The following HNF4G variants were observed in gnomAD, a reference collection of about 807,000 sequenced individuals.
The protein encoded by HNF4G is hepatocyte nuclear factor 4-gamma.
Under a neutral mutation model 50.9 loss-of-function variants are expected in HNF4G, and 21 were observed. The observed-to-expected ratio is 0.41, with a 90% confidence interval of 0.29 to 0.59. The LOEUF (loss-of-function observed/expected upper bound fraction) is 0.59. HNF4G is among the 20% of genes least tolerant of loss of function. The probability of loss-of-function intolerance (pLI) is 0.26; values close to 1 mark genes in which losing one functional copy is unlikely to be tolerated. For synonymous variants in HNF4G, 198 were observed against 185.6 expected (o/e 1.07, Z -0.54); for missense variants, 527 against 559.4 (o/e 0.94, Z 0.58).
At chr8:75,438,652 T>G (rs939861511) in intron 1 of HNF4G, among the ~76,000 whole-genome samples, 14 of 150,946 alleles carry the variant, frequency 9.3e-5, no homozygotes, top group African/African-American at 3.4e-4. Flanking sequence ...CTGTTTTATG[T>G]TTTTTTTTCT....
At chr8:75,469,635 G>A (rs766820047) in intron 1 of HNF4G, among the ~76,000 whole-genome samples, 2 of 152,094 alleles carry the variant, frequency 1.3e-5, no homozygotes, top group African/African-American at 4.8e-5. Context: ...CAAATTGTCC[G>A]ATAAGTAATC....
At chr8:75,409,533 G>A (rs1810447252) in intron 1 of HNF4G, among the ~76,000 whole-genome samples, 1 of 129,582 alleles carries the variant, frequency 7.7e-6, no homozygotes, top group Middle Eastern at 4.5e-3. Flanking sequence ...CTGTCACCCA[G>A]GCTAGAGTAT....
At chr8:75,468,450 CT>C (rs1295276174) in intron 1 of HNF4G, among the ~76,000 whole-genome samples, 2 of 152,124 alleles carry the variant, frequency 1.3e-5, no homozygotes, top group African/African-American at 4.8e-5. Context: ...AATCCCAGCA[CT>C]TTGGGAGGCC....
rs1415141375 is a variant in HNF4G at position 75,565,988 on chromosome 8, A to G, written c.*1892A>G. ...GAATGTTTTGATTTTGATCATACAA[A>G]TAACTTTTGTAGATTTTTGTTTACT... On this transcript the variant is annotated 3_prime_UTR_variant, in exon 10 of 10. Transcript: ENST00000396423. 1 of 151,892 alleles carries G rather than the reference A, an allele frequency of 6.6e-6. No individual in the cohort carries two copies. The highest frequency in any genetic ancestry group is 2.4e-5 in the African/African-American group (1 of 41,242). The allele number at this position is 151,892 out of a possible 1,614,324, so 9.4% of individuals were successfully genotyped here. A position where few individuals can be genotyped will look rare whatever the true frequency, so the allele number is the denominator to read the frequency against.
chr8:75,488,901 G>C (rs6992569), intron 1 of HNF4G, among the ~76,000 whole-genome samples: 34,722 of 152,076 alleles, frequency 0.23, 5,176 homozygotes, highest in African/African-American at 0.42. Flanking sequence ...TTTGAAGTAG[G>C]AGGGATTTAA....
intron 1 of HNF4G, among the ~76,000 whole-genome samples, chr8:75,542,004 C>T (rs1205208288): frequency 6.6e-6 from 1 of 151,868 alleles, no homozygotes; most frequent in African/African-American, 2.4e-5. Flanking sequence ...AAACTAAGGC[C>T]ATTTAAAAAG....
chr8:75,473,176 GT>G lies in HNF4G; in HGVS notation c.-143-16912del, dbSNP rs1585874245. Reference sequence around the variant, plus strand: ...TACAAAAAATTAGCCAGGCGTGGTTGTGGGTGCCTGTAGTCCCAGCTACTCG... The same window carrying G: ...TACAAAAAATTAGCCAGGCGTGGTTGGGGTGCCTGTAGTCCCAGCTACTCG... On this transcript the variant is annotated intron_variant, in intron 1 of 10. Coordinates refer to the HNF4G transcript ENST00000354370. Among the ~76,000 whole-genome samples, 5 of 152,172 alleles carry G rather than the reference GT, an allele frequency of 3.3e-5. No homozygotes were observed. The East Asian group carries it at 9.7e-4, about 30-fold the overall frequency.
Position 75,559,019 on chromosome 8 carries a change from C to A in HNF4G, c.1105C>A (p.Gln369Lys). ...FGMVKIDNLL[Q>K]EMLLGGASND... ...GATGGTTAAAATTGACAATCTACTT[C>A]AGGAAATGCTATTAGGTGGTGAGTA... is the stretch of plus-strand genomic sequence containing the variant. The change falls in exon 8 of 10, where the codon CAG becomes AAG. Residue 369 changes from glutamine (Q) to lysine (K), a missense_variant. Transcript: ENST00000396423. 1.9e-6 allele frequency: 3 copies of A among 1,581,252 alleles called. No homozygotes were observed. Among genetic ancestry groups the A allele is most frequent in the Non-Finnish European group, 2.6e-6 (3 of 1,150,186 alleles).
chr8:75,501,127 T>C (rs1381092632), intron 2 of HNF4G, among the ~76,000 whole-genome samples: 1 of 152,202 alleles, frequency 6.6e-6, no homozygotes, highest in South Asian at 2.1e-4. Flanking sequence ...TTAAAACATA[T>C]TATAAAACTA....
intron 1 of HNF4G, among the ~76,000 whole-genome samples, chr8:75,426,916 G>A (rs73341180): frequency 0.013 from 2,003 of 152,168 alleles, 40 homozygotes; most frequent in African/African-American, 0.046. Context: ...ATCATGATGG[G>A]GTTAGGGATA....
chr8:75,466,636 C>CGCCCTTCCCT (rs1197117089), intron 1 of HNF4G, among the ~76,000 whole-genome samples: 23 of 38,730 alleles, frequency 5.9e-4, no homozygotes, highest in South Asian at 1.2e-3. Flanking sequence ...TTCCTTCCTT[C>CGCCCTTCCCT]TCCCTTCCCT....
Position 75,550,846 on chromosome 8 carries a change from T to C in HNF4G, c.383-542T>C, listed in dbSNP as rs192755955. 2.7e-3 allele frequency among the ~76,000 whole-genome samples: 407 copies of C among 152,258 alleles called. 3 individuals are homozygous for C. Among genetic ancestry groups the C allele is most frequent in the Non-Finnish European group, 3.0e-3 (204 of 68,022 alleles). On this transcript the variant is annotated intron_variant, in intron 3 of 9. Coordinates refer to ENST00000396423, the MANE Select transcript of HNF4G (RefSeq NM_004133.5). The stretch of plus-strand genomic sequence containing the variant: ...GAGAGACTGCTCCATGGTACATCTT[T>C]TGCTTTATTAATGTTGGTAAACTGT...
chr8:75,501,729 T>C (rs1164952508), intron 2 of HNF4G, among the ~76,000 whole-genome samples: 1 of 152,216 alleles, frequency 6.6e-6, no homozygotes, highest in Non-Finnish European at 1.5e-5. Flanking sequence ...TAAAATGGTA[T>C]ATATTTATGG....
chr8:75,503,204 C>A (rs893496622), intron 2 of HNF4G, among the ~76,000 whole-genome samples: 3 of 152,096 alleles, frequency 2.0e-5, no homozygotes, highest in South Asian at 4.1e-4. Flanking sequence ...CATTAGATAG[C>A]CCTGTGTTTG....
chr8:75,452,667 C>T (rs1474176321), intron 1 of HNF4G, among the ~76,000 whole-genome samples: 2 of 145,352 alleles, frequency 1.4e-5, no homozygotes, highest in Non-Finnish European at 3.0e-5. Flanking sequence ...TGCAGTGAGA[C>T]GAGATCGTGC....
At chr8:75,421,173 A>G (rs1447980842) in intron 1 of HNF4G, among the ~76,000 whole-genome samples, 1 of 152,214 alleles carries the variant, frequency 6.6e-6, no homozygotes, top group African/African-American at 2.4e-5. Context: ...CAAAATTATT[A>G]ATGAGATCTT....
intron 3 of HNF4G, among the ~76,000 whole-genome samples, chr8:75,549,669 TA>T (rs1025491238): frequency 1.1e-4 from 16 of 151,882 alleles, no homozygotes; most frequent in Non-Finnish European, 2.1e-4. Context: ...GCAGGCTAGT[TA>T]CATATGTATA....
chr8:75,450,600 T>C (rs1167582012), intron 1 of HNF4G, among the ~76,000 whole-genome samples: 1 of 152,184 alleles, frequency 6.6e-6, no homozygotes, highest in Non-Finnish European at 1.5e-5. Flanking sequence ...TTAACACTAG[T>C]GGTCTTTCAT....
intron 1 of HNF4G, among the ~76,000 whole-genome samples, chr8:75,484,934 G>C (rs190220816): frequency 2.9e-4 from 44 of 152,342 alleles, no homozygotes; most frequent in Middle Eastern, 3.4e-3. Flanking sequence ...ATTGGCCAGA[G>C]TTATACAGTA....
Sources: allele counts gnomAD v4.1 joint callset (sites outside exome capture counted in the v4.1 genomes callset), GRCh38; gene constraint gnomAD v4.1.1; transcripts MANE v1.5; gene names NCBI Gene and HGNC (gene_info 2026-07-23, HGNC 2026-07-21).